Variants in ADGRD1 observed in about 807,000 individuals in gnomAD.
The protein encoded by ADGRD1 is adhesion G protein-coupled receptor D1.
A neutral mutation model predicts 113.4 loss-of-function variants in ADGRD1; 77 were observed. The observed-to-expected ratio is 0.68, with a 90% CI of 0.57 to 0.82. The LOEUF is 0.82. Ranked by LOEUF, ADGRD1 falls within the 40% of genes least tolerant of loss-of-function variation. The pLI, the probability that ADGRD1 is intolerant of heterozygous loss-of-function variation, is 0.00. For synonymous variants in ADGRD1, 474 were observed against 475.0 expected, an observed-to-expected ratio of 1.00 and a Z score of 0.03; for missense variants, 1,036 against 1,139.1, an observed-to-expected ratio of 0.91 and a Z score of 1.30.
chr12:131,033,984 G>A (rs995403361), intron 13 of ADGRD1, among the ~76,000 whole-genome samples: 7 of 152,192 alleles, frequency 4.6e-5, no homozygotes, highest in Non-Finnish European at 7.4e-5. Flanking sequence ...GATTTCCACC[G>A]GTACCCATCG....
chr12:131,133,348 C>T (rs1033224247), intron 21 of ADGRD1, among the ~76,000 whole-genome samples: 6 of 152,260 alleles, frequency 3.9e-5, no homozygotes, highest in African/African-American at 1.4e-4. Flanking sequence ...CCTTCCATCT[C>T]TACCCCACTG....
rs1327015800 is a variant in ADGRD1, at chr12:131,120,915, T to C, written c.2175+2T>C. ...GCCCCTGCCCTGTTTGTCATCGTGG[T>C]ACGTTTCCTACCCTTGTGGGCGCAG... On this transcript the variant is annotated splice_donor_variant, in intron 20 of 24. Transcript: ENST00000261654. LOFTEE classifies it high-confidence loss of function. 6.2e-7 allele frequency: 1 copy of C among 1,613,850 alleles called. No homozygotes were observed. Among genetic ancestry groups the C allele is most frequent in the Non-Finnish European group, 8.5e-7 (1 of 1,179,804 alleles).
chr12:130,964,955 C>T (rs56072819), intron 2 of ADGRD1, among the ~76,000 whole-genome samples: 5,454 of 152,260 alleles, frequency 0.036, 120 homozygotes, highest in Middle Eastern at 0.068. Flanking sequence ...ATTCTCTCAG[C>T]ATTTTTACAA....
intron 13 of ADGRD1, among the ~76,000 whole-genome samples, chr12:131,038,162 G>T (rs1881736292): frequency 6.6e-6 from 1 of 152,224 alleles, no homozygotes; most frequent in African/African-American, 2.4e-5. Context: ...GCTGATTTTT[G>T]CTCTAACTGT....
At chr12:130,960,722 C>A (rs1002656411) in intron 2 of ADGRD1, among the ~76,000 whole-genome samples, 3 of 151,936 alleles carry the variant, frequency 2.0e-5, no homozygotes, top group African/African-American at 4.8e-5. Flanking sequence ...ATGGAGGATA[C>A]AATGTAAATA....
rs552984845 is a variant in ADGRD1, at chr12:131,127,613, T to C, written c.2176-4112T>C. ...GGTGGGGTGTTGGTTGGGTTGGTTG[T>C]GATGGGACCCTGAGCTCAGGTGGGG... On this transcript the variant is annotated intron_variant, in intron 20 of 24. Transcript: ENST00000261654. 4.1e-5 allele frequency among the ~76,000 whole-genome samples: 6 copies of C among 147,312 alleles called. No homozygotes were observed. In the South Asian group the frequency reaches 1.1e-3, roughly 28 times the overall value.
chr12:131,059,875 G>T (rs1169401201), intron 13 of ADGRD1, among the ~76,000 whole-genome samples: 4 of 152,144 alleles, frequency 2.6e-5, no homozygotes, highest in Non-Finnish European at 5.9e-5. Context: ...ATTTGGTGTT[G>T]ATGTCTGTTG....
At chr12:131,105,182 C>T (rs1041543952) in intron 16 of ADGRD1, among the ~76,000 whole-genome samples, 3 of 152,254 alleles carry the variant, frequency 2.0e-5, no homozygotes, top group Non-Finnish European at 4.4e-5. Flanking sequence ...CTCGCTCCCA[C>T]GTTCCTCAGC....
intron 13 of ADGRD1, among the ~76,000 whole-genome samples, chr12:131,074,360 C>T (rs996785621): frequency 1.3e-5 from 2 of 152,230 alleles, no homozygotes; most frequent in African/African-American, 4.8e-5. Flanking sequence ...TCCAGCAGAG[C>T]TCAGCAGCCC....
chr12:130,968,270 C>T (rs188270347), intron 3 of ADGRD1: 17 of 152,356 alleles, frequency 1.1e-4, no homozygotes, highest in African/African-American at 3.6e-4. Context: ...AATTTTGCTC[C>T]CTGAATATAT....
At chr12:131,064,984 A>G (rs1884602258) in intron 13 of ADGRD1, among the ~76,000 whole-genome samples, 1 of 152,212 alleles carries the variant, frequency 6.6e-6, no homozygotes. Flanking sequence ...GAGCAGCACT[A>G]GGCAGGCTGT....
chr12:131,071,809 CGGCTTCTGGT>C (rs1282142471), intron 13 of ADGRD1, among the ~76,000 whole-genome samples: 1 of 151,958 alleles, frequency 6.6e-6, no homozygotes, highest in Admixed American at 6.6e-5. Context: ...CCGCCTCGCC[CGGCTTCTGGT>C]GGCTTCTGGT....
At chr12:130,993,660 A>G (rs1874743011) in intron 8 of ADGRD1, among the ~76,000 whole-genome samples, 1 of 152,164 alleles carries the variant, frequency 6.6e-6, no homozygotes, top group South Asian at 2.1e-4. Context: ...CCACTGTGAC[A>G]TGGGGACAGT....
chr12:131,108,725 C>A lies in ADGRD1; in HGVS notation c.1889C>A (p.Thr630Asn), dbSNP rs145482553. The change falls in exon 18 of 25, where the codon ACC (threonine) becomes AAC (asparagine). Residue 630 changes from threonine (T) to asparagine (N), a missense_variant and splice_region_variant. Coordinates refer to ENST00000261654, the MANE Select transcript of ADGRD1 (RefSeq NM_198827.5). ...LISFRLEPGT[T>N]PCQVMAVLLH... ...TTCCCATCTCTGGTTAAATCCTAGA[C>A]CCCCTGCCAAGTGATGGCCGTGCTC... 1.2e-6 allele frequency: 2 copies of A among 1,614,106 alleles called. No homozygotes were observed. Among genetic ancestry groups the A allele is most frequent in the South Asian group, 2.2e-5 (2 of 91,086 alleles).
At chr12:131,077,314 C>A (rs1468746501) in intron 14 of ADGRD1, among the ~76,000 whole-genome samples, 2 of 152,182 alleles carry the variant, frequency 1.3e-5, no homozygotes, top group East Asian at 3.9e-4. Context: ...TCCACTGGAG[C>A]AGGCTGACCA....
intron 2 of ADGRD1, among the ~76,000 whole-genome samples, chr12:130,964,889 A>G (rs1026503119): frequency 6.6e-6 from 1 of 152,092 alleles, no homozygotes; most frequent in African/African-American, 2.4e-5. Flanking sequence ...TTTCTTCTCC[A>G]GATTTTCTTT....
intron 13 of ADGRD1, among the ~76,000 whole-genome samples, chr12:131,016,098 C>G (rs1878536795): frequency 6.6e-6 from 1 of 152,264 alleles, no homozygotes; most frequent in Non-Finnish European, 1.5e-5. Flanking sequence ...TCTGAGTTCA[C>G]CCATCTCAGG....
intron 13 of ADGRD1, among the ~76,000 whole-genome samples, chr12:131,037,473 G>A (rs112545180): frequency 5.0e-5 from 7 of 141,006 alleles, no homozygotes; most frequent in Admixed American, 1.4e-4. Flanking sequence ...TCACTGCACC[G>A]GGCCTCACTC....
In ADGRD1 at chr12:131,057,579, G is replaced by A. The variant is rs933025496; in HGVS notation, c.1474-19222G>A. On this transcript the variant is annotated intron_variant, in intron 13 of 24. Coordinates refer to ENST00000261654, the MANE Select transcript of ADGRD1 (RefSeq NM_198827.5). This position sits in a 1 kb window ranked among gnomAD's most constrained non-coding sequence, Gnocchi z 4.2. ...TCCTGGCCTGCGGCAGCCAACTCCA[G>A]TCTCTGCCCCGTCTCCCCACGGCCT... Among the ~76,000 whole-genome samples, 4 of 152,160 alleles carry A rather than the reference G, an allele frequency of 2.6e-5. No homozygotes were observed. Among genetic ancestry groups the A allele is most frequent in the African/African-American group, 9.7e-5 (4 of 41,446 alleles).
Sources: allele counts gnomAD v4.1 joint callset (sites outside exome capture counted in the v4.1 genomes callset), GRCh38; gene constraint gnomAD v4.1.1; non-coding constraint Gnocchi (gnomAD v3.1); transcripts MANE v1.5; gene names NCBI Gene and HGNC (gene_info 2026-07-23, HGNC 2026-07-21).